The following TRDN variants were observed in gnomAD, a reference collection of about 807,000 sequenced individuals.
The protein encoded by TRDN is triadin, also known as triadin in skeletal muscle.
Under a neutral mutation model 149.7 loss-of-function variants are expected in TRDN, and 161 were observed. The observed-to-expected ratio is 1.08, with a 90% confidence interval of 0.95 to 1.23. TRDN has a LOEUF of 1.23. Among genes scored for constraint, TRDN ranks in the 50% most tolerant of loss-of-function variants. The probability of loss-of-function intolerance (pLI) is 0.00; values close to 1 mark genes in which losing one functional copy is unlikely to be tolerated. For missense variants in TRDN, 896 were observed against 823.5 expected, an observed-to-expected ratio of 1.09 and a Z score of -1.08; for synonymous variants, 294 against 250.5, an observed-to-expected ratio of 1.17 and a Z score of -1.64.
intron 10 of TRDN, among the ~76,000 whole-genome samples, chr6:123,453,863 C>A (rs1775936485): frequency 6.6e-6 from 1 of 151,550 alleles, no homozygotes; most frequent in South Asian, 2.1e-4. Context: ...AAATGCCCAT[C>A]AGTCAATGAG....
chr6:123,551,342 T>TACACACAC (rs10638140), intron 2 of TRDN, among the ~76,000 whole-genome samples: 1,470 of 141,064 alleles, frequency 0.01, 21 homozygotes, highest in Middle Eastern at 0.044. Flanking sequence ...AAAACCTAAA[T>TACACACAC]ACACACACAC....
intron 23 of TRDN, among the ~76,000 whole-genome samples, chr6:123,322,613 TTTATTATTATTATTATTATTA>T (rs139658634): frequency 2.8e-5 from 4 of 140,966 alleles, no homozygotes; most frequent in East Asian, 2.1e-4. Context: ...TTTTTTAAAA[TTTATTATTATTATTATTATTA>T]TTATTATTAT....
At chr6:123,376,808 C>T (rs1055440701) in intron 18 of TRDN, among the ~76,000 whole-genome samples, 1 of 151,860 alleles carries the variant, frequency 6.6e-6, no homozygotes, top group African/African-American at 2.4e-5. Flanking sequence ...TAAGATTGAG[C>T]AGATGCTATT....
chr6:123,556,608 T>C (rs968958184), intron 2 of TRDN, among the ~76,000 whole-genome samples: 98 of 151,110 alleles, frequency 6.5e-4, no homozygotes, highest in Non-Finnish European at 8.1e-4. Flanking sequence ...TCCTCCTCCT[T>C]CTTCTTCCTC....
intron 10 of TRDN, among the ~76,000 whole-genome samples, chr6:123,461,710 C>T (rs572781119): frequency 2.0e-5 from 3 of 152,218 alleles, no homozygotes; most frequent in East Asian, 1.9e-4. Flanking sequence ...TCTGTTTAAC[C>T]GCTGAGGATT....
At chr6:123,478,194 C>T (rs10499124) in intron 9 of TRDN, among the ~76,000 whole-genome samples, 1 of 151,752 alleles carries the variant, frequency 6.6e-6, no homozygotes, top group South Asian at 2.1e-4. Flanking sequence ...TACCTGTTAC[C>T]ATAAATGACT....
chr6:123,347,324 C>A (rs943884528), intron 21 of TRDN, among the ~76,000 whole-genome samples: 9 of 152,120 alleles, frequency 5.9e-5, no homozygotes, highest in African/African-American at 2.2e-4. Flanking sequence ...CAGTTGTTAT[C>A]TACATTATCT....
At chr6:123,542,077 G>A (rs1389909538) in intron 4 of TRDN, among the ~76,000 whole-genome samples, 1 of 152,144 alleles carries the variant, frequency 6.6e-6, no homozygotes, top group African/African-American at 2.4e-5. Context: ...AATTTACCAG[G>A]CAGCTCTTTT....
chr6:123,345,490 T>C (rs1780215285), intron 21 of TRDN, among the ~76,000 whole-genome samples: 1 of 152,062 alleles, frequency 6.6e-6, no homozygotes, highest in African/African-American at 2.4e-5. Flanking sequence ...AGTTCAGTAG[T>C]GTCAGTTTGC....
intron 1 of TRDN, among the ~76,000 whole-genome samples, chr6:123,622,813 GATAGTA>G (rs1785466752): frequency 1.3e-5 from 2 of 152,062 alleles, no homozygotes; most frequent in South Asian, 4.1e-4. Flanking sequence ...TTGTCATCAT[GATAGTA>G]TTGCAAAGGA....
intron 23 of TRDN, among the ~76,000 whole-genome samples, chr6:123,317,014 A>G (rs1779049627): frequency 6.6e-6 from 1 of 151,732 alleles, no homozygotes; most frequent in Non-Finnish European, 1.5e-5. Flanking sequence ...ATTTAATATA[A>G]TAATATAGAC....
chr6:123,457,597 G>C (rs1364636766), intron 10 of TRDN: 1 of 430,558 alleles, frequency 2.3e-6, no homozygotes, highest in Non-Finnish European at 4.6e-6. Flanking sequence ...TCACCTATTT[G>C]TTTTTGTGTT....
rs1214943670 is a variant in TRDN at position 123,565,850 on chromosome 6, A to G, written c.232+5073T>C. Among the ~76,000 whole-genome samples the G allele has an allele frequency of 2.6e-5, 4 of 152,144 alleles. No homozygotes were observed. The South Asian group carries it at 6.2e-4, about 24-fold the overall frequency. ...ATTTATCCTGCAGCTCATCCGCATA[A>G]TTGTAATTTGTGGTGGTGAGAGACA... On this transcript the variant is annotated intron_variant, in intron 2 of 40. Transcript: ENST00000334268.
chr6:123,293,618 G>A (rs1261546227), intron 24 of TRDN, among the ~76,000 whole-genome samples: 1 of 151,988 alleles, frequency 6.6e-6, no homozygotes, highest in African/African-American at 2.4e-5. Context: ...ATTGGAACAG[G>A]GAAAAAATAT....
intron 9 of TRDN, among the ~76,000 whole-genome samples, chr6:123,492,833 G>T (rs913991694): frequency 1.3e-5 from 2 of 152,128 alleles, no homozygotes; most frequent in African/African-American, 2.4e-5. Flanking sequence ...TTATGAGTAA[G>T]TGACAAGTAG....
At chr6:123,507,983 T>A (rs1314011036) in intron 7 of TRDN, among the ~76,000 whole-genome samples, 2 of 74,444 alleles carry the variant, frequency 2.7e-5, no homozygotes, top group African/African-American at 4.3e-5. Flanking sequence ...TGCTTCAGTT[T>A]CTTTGCGTTA....
chr6:123,308,233 T>C (rs1163495138), intron 24 of TRDN, among the ~76,000 whole-genome samples: 1 of 152,072 alleles, frequency 6.6e-6, no homozygotes, highest in Non-Finnish European at 1.5e-5. Flanking sequence ...CATGTAGTTG[T>C]ACCATATTTT....
At chr6:123,232,217 A>G (rs988308966) in intron 38 of TRDN, among the ~76,000 whole-genome samples, 4 of 152,024 alleles carry the variant, frequency 2.6e-5, no homozygotes, top group Non-Finnish European at 5.9e-5. Context: ...TGAAAAAAAA[A>G]AATCCTATAT....
intron 32 of TRDN, 134 bp downstream of exon 32, chr6:123,267,573 T>C (rs1777056252): frequency 1.9e-6 from 1 of 537,468 alleles, no homozygotes. Flanking sequence ...ATAAACTAGA[T>C]TACACTACAA....
Sources: gnomAD v4.1 joint callset for allele counts (sites outside exome capture counted in the v4.1 genomes callset) on GRCh38, gnomAD v4.1.1 for gene constraint, MANE v1.5 for transcripts, NCBI Gene and HGNC (gene_info 2026-07-23, HGNC 2026-07-21) for gene names.